PCSK6: variants seen among roughly 807,000 people sequenced by gnomAD.
PCSK6 encodes proprotein convertase subtilisin/kexin type 6.
In PCSK6, 85 loss-of-function variants were observed where a neutral mutation model predicts 123.3. The ratio of observed to expected loss-of-function variants is 0.69; its 90% CI spans 0.58 to 0.83. PCSK6 has a LOEUF of 0.83. Among genes scored for constraint, PCSK6 ranks in the 40% least tolerant of loss-of-function variants. The probability of loss-of-function intolerance (pLI) is 0.00; values close to 1 mark genes in which losing one functional copy is unlikely to be tolerated. For synonymous variants in PCSK6, 508 were observed against 516.0 expected, an observed-to-expected ratio of 0.98 and a Z score of 0.21; for missense variants, 1,191 against 1,282.3, an observed-to-expected ratio of 0.93 and a Z score of 1.09.
Position 101,398,417 on chromosome 15 carries a change from T to C in PCSK6, c.983A>G (p.Tyr328Cys), listed in dbSNP as rs1031984432. ...PGRLAKQAFEYGIKKGRQGLG... is the reference protein window; with the variant it reads ...PGRLAKQAFECGIKKGRQGLG... ...GGTTACTCACACCTTTTTAATGCCA[T>C]ACTCGAAAGCCTGCTTAGCCAGTCG... The change falls in exon 7 of 22, where the codon TAT (tyrosine) becomes TGT (cysteine). Residue 328 changes from tyrosine to cysteine, a missense_variant. By Grantham distance (194) the Tyr-to-Cys change is radical. Transcript: ENST00000611716. The surrounding 1 kb of genome is among the most constrained non-coding windows in gnomAD (Gnocchi z 4.6). 1.2e-6 allele frequency: 2 copies of C among 1,611,124 alleles called. No homozygotes were observed. Among genetic ancestry groups the C allele is most frequent in the East Asian group, 2.2e-5 (1 of 44,788 alleles).
chr15:101,368,507 A>G (rs993269820), intron 12 of PCSK6, among the ~76,000 whole-genome samples: 7 of 152,206 alleles, frequency 4.6e-5, no homozygotes, highest in Non-Finnish European at 1.5e-5. Context: ...CCAGGAGTGG[A>G]AGAGCAGGGT....
intron 2 of PCSK6, among the ~76,000 whole-genome samples, chr15:101,439,117 C>A (rs1437913529): frequency 6.6e-6 from 1 of 152,174 alleles, no homozygotes; most frequent in Non-Finnish European, 1.5e-5. Flanking sequence ...ATGACAGGAG[C>A]TGGGCCTAGG....
intron 13 of PCSK6, among the ~76,000 whole-genome samples, chr15:101,352,302 T>C (rs11247282): frequency 0.47 from 71,561 of 151,554 alleles, 17,825 homozygotes; most frequent in African/African-American, 0.64. Context: ...TGGCCGCCAC[T>C]GCGCCCGGCT....
intron 6 of PCSK6, among the ~76,000 whole-genome samples, chr15:101,401,401 C>T (rs957700480): frequency 1.3e-5 from 2 of 152,246 alleles, no homozygotes; most frequent in African/African-American, 2.4e-5. Flanking sequence ...CCTCAGCGAG[C>T]TGGCTGCAGG....
At chr15:101,355,031 G>A (rs547197808) in intron 13 of PCSK6, among the ~76,000 whole-genome samples, 90 of 152,276 alleles carry the variant, frequency 5.9e-4, no homozygotes, top group South Asian at 1.0e-3. Flanking sequence ...TTCCTCTCTC[G>A]TTCTTTTGAT....
At chr15:101,332,306 G>C (rs777611102) in intron 13 of PCSK6, among the ~76,000 whole-genome samples, 7 of 152,228 alleles carry the variant, frequency 4.6e-5, no homozygotes, top group Non-Finnish European at 8.8e-5. Flanking sequence ...GGTCAGCCGG[G>C]CTGGACTCTC....
rs1013890460 is a variant in PCSK6 at position 101,379,708 on chromosome 15, G to A, written c.1532+2384C>T. On this transcript the variant is annotated intron_variant, in intron 11 of 21. Coordinates refer to ENST00000611716, the MANE Select transcript of PCSK6 (RefSeq NM_002570.5). Reference sequence around the variant, plus strand: ...GGAGAGGGGGCAGTTAGAAGAAGACGGGAAAATGGCTGTGTGGGAACGCTT... The same window carrying A: ...GGAGAGGGGGCAGTTAGAAGAAGACAGGAAAATGGCTGTGTGGGAACGCTT... 2.6e-5 allele frequency among the ~76,000 whole-genome samples: 4 copies of A among 152,176 alleles called. No homozygotes were observed. The East Asian group carries it at 5.8e-4, about 22-fold the overall frequency.
At position 101,347,714 on chromosome 15, in the gene PCSK6, T is replaced by C. The variant is rs875292; in HGVS notation, c.1859-15683A>G. On this transcript the variant is annotated intron_variant, in intron 13 of 21. Coordinates refer to ENST00000611716, the MANE Select transcript of PCSK6 (RefSeq NM_002570.5). Reference sequence around the variant, plus strand: ...TGGTCATCTGTCCCTCTGCAGTATTTCACAGAGATTACCAAAGCTCTTGTT... The same window carrying C: ...TGGTCATCTGTCCCTCTGCAGTATTCCACAGAGATTACCAAAGCTCTTGTT... 10,499 of 1,613,684 alleles carry C rather than the reference T, an allele frequency of 6.5e-3. 55 individuals carry two copies. Among genetic ancestry groups the C allele is most frequent in the Middle Eastern group, 0.011 (64 of 6,006 alleles).
chr15:101,433,019 A>C (rs1183386848), intron 2 of PCSK6, among the ~76,000 whole-genome samples: 2 of 152,236 alleles, frequency 1.3e-5, no homozygotes. Context: ...GATGTCATAA[A>C]TGTCTTTCAA....
At chr15:101,372,854 C>A (rs183988849) in intron 11 of PCSK6, among the ~76,000 whole-genome samples, 3 of 152,226 alleles carry the variant, frequency 2.0e-5, no homozygotes, top group East Asian at 1.9e-4. Context: ...AAAGCCTTAA[C>A]CAAGTTGAAG....
At chr15:101,485,261 T>C (rs1017310557) in intron 1 of PCSK6, among the ~76,000 whole-genome samples, 4 of 152,240 alleles carry the variant, frequency 2.6e-5, no homozygotes, top group African/African-American at 9.6e-5. Flanking sequence ...TCTCCATTCA[T>C]AAACTTCCCC....
In PCSK6 at chr15:101,370,319, G is replaced by A. The variant is rs751682546; in HGVS notation, c.1721+16C>T. 1.5e-5 allele frequency: 22 copies of A among 1,500,744 alleles called. No homozygotes were observed. The highest frequency in any genetic ancestry group is 8.3e-5 in the African/African-American group (6 of 71,954). The allele number at this position is 1,500,744 out of a possible 1,614,324, so 93.0% of individuals were successfully genotyped here. The stretch of plus-strand genomic sequence containing the variant: ...CAGTGAGCCCAGACCCCATCCCCAC[G>A]CCTGCCTCGCCTTACCTCTTTGCCA... On this transcript the variant is annotated intron_variant, in intron 12 of 21. Transcript: ENST00000611716.
intron 1 of PCSK6, among the ~76,000 whole-genome samples, chr15:101,464,991 G>A (rs931781003): frequency 8.5e-5 from 13 of 152,164 alleles, no homozygotes; most frequent in Non-Finnish European, 1.5e-5. Context: ...AGGACCTGGG[G>A]AGAGGCTCCA....
rs2042477571 is a variant in PCSK6 at position 101,398,320 on chromosome 15, G to A, written c.996+84C>T. 1.4e-6 allele frequency: 2 copies of A among 1,459,942 alleles called. No individual in the cohort carries two copies. Among genetic ancestry groups the A allele is most frequent in the Admixed American group, 3.9e-5 (2 of 51,614 alleles). 90.4% of individuals were successfully genotyped at this position (1,459,942 alleles called of 1,614,324 possible). ...CTTCCCTGTCTTGTTTCAGGGCTGTGGCCAGTGTCACTCTGATACTTGTTA... is the reference window on the plus strand; with the variant it reads ...CTTCCCTGTCTTGTTTCAGGGCTGTAGCCAGTGTCACTCTGATACTTGTTA... On this transcript the variant is annotated intron_variant, in intron 7 of 21. Coordinates refer to ENST00000611716, the MANE Select transcript of PCSK6 (RefSeq NM_002570.5). This position sits in a 1 kb window ranked among gnomAD's most constrained non-coding sequence, Gnocchi z 4.6.
chr15:101,335,846 C>G (rs2040465165), intron 13 of PCSK6, among the ~76,000 whole-genome samples: 1 of 152,134 alleles, frequency 6.6e-6, no homozygotes, highest in African/African-American at 2.4e-5. Context: ...TAGATGGTAC[C>G]CCTACTCCAC....
chr15:101,410,514 T>A (rs1379281880), intron 6 of PCSK6, among the ~76,000 whole-genome samples: 1 of 152,214 alleles, frequency 6.6e-6, no homozygotes, highest in Non-Finnish European at 1.5e-5. Context: ...TGCTGCCCTC[T>A]CTCGCTCCCT....
At chr15:101,437,050 C>T (rs1440067716) in intron 2 of PCSK6, among the ~76,000 whole-genome samples, 1 of 152,158 alleles carries the variant, frequency 6.6e-6, no homozygotes, top group African/African-American at 2.4e-5. Context: ...CAAAATGGTG[C>T]CGGCATGAGC....
chr15:101,474,877 T>TC (rs1294412506), intron 1 of PCSK6, among the ~76,000 whole-genome samples: 1 of 152,216 alleles, frequency 6.6e-6, no homozygotes, highest in Admixed American at 6.5e-5. Flanking sequence ...GGTTCCCTTG[T>TC]CCCCATGCAC....
chr15:101,323,123 T>C (rs1444351950), intron 17 of PCSK6, among the ~76,000 whole-genome samples: 1 of 152,230 alleles, frequency 6.6e-6, no homozygotes, highest in Non-Finnish European at 1.5e-5. Context: ...TCATAACTTA[T>C]TATCTGGGTT....
Sources: allele counts gnomAD v4.1 joint callset (sites outside exome capture counted in the v4.1 genomes callset), GRCh38; gene constraint gnomAD v4.1.1; non-coding constraint Gnocchi (gnomAD v3.1); transcripts MANE v1.5; gene names NCBI Gene and HGNC (gene_info 2026-07-23, HGNC 2026-07-21).